CEP85L: variants seen among roughly 807,000 people sequenced by gnomAD.
The protein encoded by CEP85L is centrosomal protein 85L.
Under a neutral mutation model 100.3 loss-of-function variants are expected in CEP85L, and 60 were observed. The ratio of observed to expected loss-of-function variants is 0.60; its 90% confidence interval spans 0.49 to 0.74. CEP85L has a LOEUF of 0.74. CEP85L is among the 30% of genes least tolerant of loss of function. The probability of loss-of-function intolerance (pLI) is 0.00; values close to 1 mark genes in which losing one functional copy is unlikely to be tolerated. For synonymous variants in CEP85L, 319 were observed against 322.7 expected (o/e 0.99, Z 0.12); for missense variants, 973 against 936.2 (o/e 1.04, Z -0.51).
At chr6:118,591,185 T>TTA (rs1781170522) in intron 2 of CEP85L, among the ~76,000 whole-genome samples, 1 of 152,114 alleles carries the variant, frequency 6.6e-6, no homozygotes, top group South Asian at 2.1e-4. Context: ...TCTGCAAACT[T>TTA]ACTAGAGCTG....
intron 5 of CEP85L, among the ~76,000 whole-genome samples, chr6:118,503,980 G>A (rs1775480159): frequency 6.6e-6 from 1 of 152,002 alleles, no homozygotes; most frequent in Non-Finnish European, 1.5e-5. Flanking sequence ...AAAAACAATG[G>A]CAGGAGAATG....
chr6:118,494,027 T>C (rs941928672), intron 5 of CEP85L, among the ~76,000 whole-genome samples: 2 of 152,062 alleles, frequency 1.3e-5, no homozygotes, highest in Non-Finnish European at 2.9e-5. Context: ...TCTTCTAAAG[T>C]CTGTGAGAGA....
intron 2 of CEP85L, among the ~76,000 whole-genome samples, chr6:118,630,598 G>T (rs1774082971): frequency 6.6e-6 from 1 of 152,200 alleles, no homozygotes; most frequent in Non-Finnish European, 1.5e-5. Flanking sequence ...ATATTACTCA[G>T]CACTAAAAGC....
At chr6:118,586,916 A>G (rs1050823160) in intron 2 of CEP85L, among the ~76,000 whole-genome samples, 1 of 152,226 alleles carries the variant, frequency 6.6e-6, no homozygotes, top group Non-Finnish European at 1.5e-5. Context: ...AATCTCAATT[A>G]CTACTGCATT....
Position 118,481,870 on chromosome 6 carries a change from GT to G in CEP85L, c.1653del (p.Lys551AsnfsTer16). The G allele has an allele frequency of 1.3e-6, 2 of 1,587,934 alleles. No homozygotes were observed. Among genetic ancestry groups the G allele is most frequent in the East Asian group, 2.3e-5 (1 of 44,102 alleles). On this transcript the variant is annotated frameshift_variant, in exon 8 of 13. Coordinates refer to ENST00000368491, the MANE Select transcript of CEP85L (RefSeq NM_001042475.3). LOFTEE classifies it high-confidence loss of function. The stretch of plus-strand genomic sequence containing the variant: ...TGACACTGCTTTTTGATCTCTTCAA[GT>G]TTTTTTTCTGTATCTATCAAAGCCT... The part of the protein sequence containing the change: ...LQEALIDTEK[K>X]LEEIKKQCQD...
At chr6:118,472,923 T>C (rs890705561) in intron 10 of CEP85L, among the ~76,000 whole-genome samples, 1 of 152,184 alleles carries the variant, frequency 6.6e-6, no homozygotes, top group Non-Finnish European at 1.5e-5. Flanking sequence ...ACATTTGTTG[T>C]TTTAACGTAA....
At chr6:118,628,006 C>T (rs918089320) in intron 2 of CEP85L, among the ~76,000 whole-genome samples, 1 of 152,088 alleles carries the variant, frequency 6.6e-6, no homozygotes, top group Non-Finnish European at 1.5e-5. Flanking sequence ...AAGTTACAAC[C>T]CAGGGGCACC....
intron 2 of CEP85L, among the ~76,000 whole-genome samples, chr6:118,606,785 A>G (rs1173891291): frequency 6.6e-6 from 1 of 152,208 alleles, no homozygotes; most frequent in South Asian, 2.1e-4. Flanking sequence ...ACCCCTCAAC[A>G]CAGAAAAACA....
intron 10 of CEP85L, 121 bp from the exon 11 acceptor site, chr6:118,470,765 TG>T (rs1772892427): frequency 2.1e-6 from 1 of 483,458 alleles, no homozygotes; most frequent in Non-Finnish European, 3.6e-6. Context: ...CCCATCCCCT[TG>T]GAAGATGAAG....
chr6:118,709,840 G>C lies in CEP85L; in HGVS notation c.-28+196C>G, dbSNP rs567169893. On this transcript the variant is annotated intron_variant, in intron 1 of 13. Transcript: ENST00000368488. ...GACACCATCATAGCAATCTAGATCC[G>C]AGTACTTTTCCTCTGTTGCAGGGGG... Among the ~76,000 whole-genome samples the C allele has an allele frequency of 2.0e-5, 3 of 152,190 alleles. No homozygotes were observed. In the South Asian group the frequency reaches 6.2e-4, roughly 32 times the overall value.
At position 118,632,549 on chromosome 6, in the gene CEP85L, G is replaced by T; in HGVS notation, c.136C>A (p.Pro46Thr). ...NESLWQATTV[P>T]SNHRNNHIRR... ...ATATGGTTATTTCGATGGTTAGATG[G>T]AACAGTTGTGGCCTGCCACAATGAT... The change falls in exon 2 of 13, where the codon CCA becomes ACA. Residue 46 changes from proline (P) to threonine (T), a missense_variant. Transcript: ENST00000368491. 7 of 1,613,234 alleles carry T rather than the reference G, an allele frequency of 4.3e-6. No homozygotes were observed. Among genetic ancestry groups the T allele is most frequent in the Non-Finnish European group, 5.1e-6 (6 of 1,179,658 alleles).
At chr6:118,510,354 T>C (rs1426038383) in intron 5 of CEP85L, among the ~76,000 whole-genome samples, 1 of 152,004 alleles carries the variant, frequency 6.6e-6, no homozygotes, top group African/African-American at 2.4e-5. Flanking sequence ...TAATTTCCTT[T>C]ATATATACAG....
intron 5 of CEP85L, among the ~76,000 whole-genome samples, chr6:118,493,562 CAAG>C (rs1030918837): frequency 4.6e-5 from 7 of 152,064 alleles, no homozygotes; most frequent in East Asian, 1.9e-4. Flanking sequence ...TGAAAAGAAA[CAAG>C]GAGCTGATAT....
At chr6:118,499,698 A>G (rs1395345359) in intron 5 of CEP85L, among the ~76,000 whole-genome samples, 1 of 151,976 alleles carries the variant, frequency 6.6e-6, no homozygotes, top group Non-Finnish European at 1.5e-5. Context: ...CAAAAAAACA[A>G]CTCTCAGCAA....
chr6:118,625,379 G>A (rs1387538005), intron 2 of CEP85L, among the ~76,000 whole-genome samples: 10 of 152,298 alleles, frequency 6.6e-5, no homozygotes, highest in Middle Eastern at 3.4e-3. Flanking sequence ...CGCCACGCCC[G>A]AGCGCCTATT....
At chr6:118,524,859 A>C (rs9481821) in intron 3 of CEP85L, among the ~76,000 whole-genome samples, 25,137 of 152,168 alleles carry the variant, frequency 0.17, 2,191 homozygotes, top group Non-Finnish European at 0.19. Context: ...GGAGCCCAGC[A>C]TGCGTTCTGG....
At chr6:118,545,218 C>T (rs1036695933) in intron 3 of CEP85L, among the ~76,000 whole-genome samples, 1 of 152,150 alleles carries the variant, frequency 6.6e-6, no homozygotes, top group Admixed American at 6.5e-5. Flanking sequence ...CTTCGCCCTC[C>T]GGATACACCA....
chr6:118,487,590 C>A (rs1774273933), intron 6 of CEP85L, among the ~76,000 whole-genome samples: 1 of 152,152 alleles, frequency 6.6e-6, no homozygotes, highest in Non-Finnish European at 1.5e-5. Context: ...GTAATCCTAC[C>A]CCCAATACAG....
chr6:118,584,050 T>C lies in CEP85L; in HGVS notation c.233-17734A>G, dbSNP rs189614940. Among the ~76,000 whole-genome samples, 749 of 152,338 alleles carry C rather than the reference T, an allele frequency of 4.9e-3. 2 individuals are homozygous for C. The highest frequency in any genetic ancestry group is 9.1e-3 in the Non-Finnish European group (618 of 68,040). On this transcript the variant is annotated intron_variant, in intron 2 of 12. Transcript: ENST00000368491. Reference sequence around the variant, plus strand: ...CACTGACGGTGCTGCCTCAGGGATTTTGAAATAGTCCTCATCTGTTTGGAC... The same window carrying C: ...CACTGACGGTGCTGCCTCAGGGATTCTGAAATAGTCCTCATCTGTTTGGAC...
Sources: gnomAD v4.1 joint callset for allele counts (sites outside exome capture counted in the v4.1 genomes callset) on GRCh38, gnomAD v4.1.1 for gene constraint, MANE v1.5 for transcripts, NCBI Gene and HGNC (gene_info 2026-07-23, HGNC 2026-07-21) for gene names.